UTRN: variants seen among roughly 807,000 people sequenced by gnomAD.
The protein encoded by UTRN is utrophin, also known as dystrophin-related protein 1.
In UTRN, 283 loss-of-function variants were observed where a neutral mutation model predicts 463.9. That is an observed-to-expected ratio of 0.61 (90% CI 0.55 to 0.67). UTRN has a LOEUF of 0.67. Among genes scored for constraint, UTRN ranks in the 30% least tolerant of loss-of-function variants. The pLI is 0.00. For synonymous variants in UTRN, 1,442 were observed against 1,431.5 expected (o/e 1.01, Z -0.17); for missense variants, 3,922 against 4,084.3 (o/e 0.96, Z 1.08).
At chr6:144,482,903 T>A (rs1792044899) in intron 27 of UTRN, among the ~76,000 whole-genome samples, 1 of 152,206 alleles carries the variant, frequency 6.6e-6, no homozygotes. Context: ...ACCTTTTTTT[T>A]TTCTCCCTGG....
intron 2 of UTRN, among the ~76,000 whole-genome samples, chr6:144,361,086 G>A (rs1779041235): frequency 6.6e-6 from 1 of 152,190 alleles, no homozygotes. Flanking sequence ...TCAAGAGACA[G>A]GACAGTAAAT....
intron 2 of UTRN, among the ~76,000 whole-genome samples, chr6:144,307,794 T>C (rs1012375116): frequency 1.3e-5 from 2 of 151,904 alleles, no homozygotes; most frequent in African/African-American, 2.4e-5. Context: ...CAGACATAGA[T>C]TACTAATTAA....
intron 2 of UTRN, among the ~76,000 whole-genome samples, chr6:144,365,894 C>T (rs1033685431): frequency 1.3e-5 from 2 of 152,086 alleles, no homozygotes; most frequent in Admixed American, 6.5e-5. Context: ...TGTGTCATCA[C>T]GCCTGGCTAA....
Position 144,330,873 on chromosome 6 carries a change from C to T in UTRN, c.79+38966C>T, listed in dbSNP as rs74662790. 1,841 of 985,382 alleles carry T rather than the reference C, an allele frequency of 1.9e-3. 30 individuals carry two copies. In the African/African-American group the frequency reaches 0.029, roughly 15 times the overall value. The allele number at this position is 985,382 out of a possible 1,614,324, so 61.0% of individuals were successfully genotyped here. ...ACTCCATCAAAGCACATTCTCCAGCCGAGGGGTACACATCCCTTTGTGACT... is the reference window on the plus strand; with the variant it reads ...ACTCCATCAAAGCACATTCTCCAGCTGAGGGGTACACATCCCTTTGTGACT... On this transcript the variant is annotated intron_variant, in intron 2 of 74. Coordinates refer to ENST00000367545, the MANE Select transcript of UTRN (RefSeq NM_007124.3).
chr6:144,746,441 A>G (rs777444199), intron 54 of UTRN, among the ~76,000 whole-genome samples: 2 of 152,048 alleles, frequency 1.3e-5, no homozygotes, highest in Non-Finnish European at 2.9e-5. Flanking sequence ...GGGCTCCTAG[A>G]CAGTTACTTG....
chr6:144,642,507 G>A (rs999118786), intron 51 of UTRN, among the ~76,000 whole-genome samples: 6 of 152,114 alleles, frequency 3.9e-5, no homozygotes, highest in African/African-American at 1.4e-4. Flanking sequence ...AAGTTGTGCT[G>A]CAAATGGCTC....
At chr6:144,502,636 A>G (rs1291228765) in intron 34 of UTRN, among the ~76,000 whole-genome samples, 1 of 152,104 alleles carries the variant, frequency 6.6e-6, no homozygotes, top group Non-Finnish European at 1.5e-5. Context: ...TATGTGCCAC[A>G]TTTTCTTTAT....
intron 52 of UTRN, among the ~76,000 whole-genome samples, chr6:144,690,044 G>T (rs9390195): frequency 0.089 from 12,842 of 144,812 alleles, 1,069 homozygotes; most frequent in East Asian, 0.47. Context: ...CCAAGCAATG[G>T]GAGGGGCCAT....
intron 65 of UTRN, among the ~76,000 whole-genome samples, chr6:144,813,468 A>G (rs1345776674): frequency 3.3e-5 from 5 of 152,190 alleles, no homozygotes; most frequent in Non-Finnish European, 7.3e-5. Context: ...GATTACAGGC[A>G]TGGGCCACCA....
At chr6:144,714,642 G>A (rs936126098) in intron 53 of UTRN, among the ~76,000 whole-genome samples, 5 of 152,138 alleles carry the variant, frequency 3.3e-5, no homozygotes, top group Non-Finnish European at 7.3e-5. Context: ...CTTGCATTGC[G>A]AAGAACATTA....
At chr6:144,807,788 C>T (rs1319487718) in intron 65 of UTRN, among the ~76,000 whole-genome samples, 1 of 152,066 alleles carries the variant, frequency 6.6e-6, no homozygotes, top group Non-Finnish European at 1.5e-5. Flanking sequence ...GTGTTTTTGT[C>T]TTCTCAATTA....
Position 144,404,326 on chromosome 6 carries a change from T to G in UTRN, c.141+1142T>G, listed in dbSNP as rs1043173244. On this transcript the variant is annotated intron_variant, in intron 3 of 74. Transcript: ENST00000367545. The stretch of plus-strand genomic sequence containing the variant: ...AGGATTATTCCAAATCACATGCAGG[T>G]GTGTTTTGGTAAATTTTAGTTTGTT... 2.6e-5 allele frequency among the ~76,000 whole-genome samples: 4 copies of G among 152,300 alleles called. No homozygotes were observed. The South Asian group carries it at 6.2e-4, about 24-fold the overall frequency.
At chr6:144,791,759 G>A (rs977153586) in intron 62 of UTRN, among the ~76,000 whole-genome samples, 12 of 151,980 alleles carry the variant, frequency 7.9e-5, no homozygotes, top group African/African-American at 2.7e-4. Context: ...ACTTTTATAA[G>A]GATTTATAGA....
intron 52 of UTRN, among the ~76,000 whole-genome samples, chr6:144,678,803 A>C (rs1056287624): frequency 6.6e-6 from 1 of 152,190 alleles, no homozygotes. Flanking sequence ...AAATGTTCAT[A>C]TATTTTAAAT....
intron 58 of UTRN, among the ~76,000 whole-genome samples, chr6:144,759,953 T>C (rs1007030166): frequency 6.6e-6 from 1 of 152,178 alleles, no homozygotes; most frequent in Non-Finnish European, 1.5e-5. Context: ...TTAGAGTCTT[T>C]TATCATCTGA....
At chr6:144,688,270 T>G (rs1782953270) in intron 52 of UTRN, among the ~76,000 whole-genome samples, 1 of 152,196 alleles carries the variant, frequency 6.6e-6, no homozygotes. Context: ...ATTCATATCT[T>G]GAATTGTTTT....
chr6:144,523,197 A>C lies in UTRN; in HGVS notation c.5906+9A>C. The C allele has an allele frequency of 6.6e-7, 1 of 1,516,238 alleles. No individual in the cohort carries two copies. The highest frequency in any genetic ancestry group is 1.4e-5 in the African/African-American group (1 of 70,898). The allele number at this position is 1,516,238 out of a possible 1,614,324, so 93.9% of individuals were successfully genotyped here. A position where few individuals can be genotyped will look rare whatever the true frequency, so the allele number is the denominator to read the frequency against. ...TACAGTGATCGGAAAGGGTATGTGT[A>C]AATGAAATTAATATTTAATTTAAAA... On this transcript the variant is annotated intron_variant, in intron 41 of 74. Coordinates refer to ENST00000367545, the MANE Select transcript of UTRN (RefSeq NM_007124.3).
At chr6:144,682,616 C>G (rs1430806736) in intron 52 of UTRN, among the ~76,000 whole-genome samples, 1 of 152,102 alleles carries the variant, frequency 6.6e-6, no homozygotes, top group African/African-American at 2.4e-5. Flanking sequence ...CACAAGGGTT[C>G]CTTTTTCTCC....
At position 144,447,331 on chromosome 6, in the gene UTRN, G is replaced by T; in HGVS notation, c.1722+13G>T. On this transcript the variant is annotated intron_variant, in intron 15 of 74. Transcript: ENST00000367545. Reference sequence around the variant, plus strand: ...TCGACGTCTGGCTGTAAGTGATGGGGTTGTCAGCATCTGTGTTGTAAGCCT... The same window carrying T: ...TCGACGTCTGGCTGTAAGTGATGGGTTTGTCAGCATCTGTGTTGTAAGCCT... 1 of 1,609,166 alleles carries T rather than the reference G, an allele frequency of 6.2e-7. No homozygotes were observed. The highest frequency in any genetic ancestry group is 8.5e-7 in the Non-Finnish European group (1 of 1,176,784).
Sources: gnomAD v4.1 joint callset for allele counts (sites outside exome capture counted in the v4.1 genomes callset) on GRCh38, gnomAD v4.1.1 for gene constraint, MANE v1.5 for transcripts, NCBI Gene and HGNC (gene_info 2026-07-23, HGNC 2026-07-21) for gene names.